The following CPA3 variants were observed in gnomAD, a reference collection of about 807,000 sequenced individuals.
CPA3 encodes the protein mast cell carboxypeptidase A.
Under a neutral mutation model 55.8 loss-of-function variants are expected in CPA3, and 52 were observed. The observed-to-expected ratio is 0.93, with a 90% CI of 0.75 to 1.17. The LOEUF (loss-of-function observed/expected upper bound fraction) is 1.17, where lower values mean the gene tolerates loss of function less well. Among genes scored for constraint, CPA3 ranks in the 50% most tolerant of loss-of-function variants. CPA3 has a pLI of 0.00. For missense variants in CPA3, 547 were observed against 509.1 expected (o/e 1.07, Z -0.72); for synonymous variants, 179 against 171.2 (o/e 1.05, Z -0.36).
chr3:148,881,456 A>G, intron 6 of CPA3, 66 bp from the exon 7 acceptor site: 1 of 941,936 alleles, frequency 1.1e-6, no homozygotes, highest in Non-Finnish European at 1.7e-6. Context: ...TACTATTATA[A>G]CCACAGCTTT....
intron 3 of CPA3, among the ~76,000 whole-genome samples, chr3:148,874,444 G>A (rs115884218): frequency 0.019 from 2,930 of 152,242 alleles, 40 homozygotes; most frequent in Non-Finnish European, 0.03. Flanking sequence ...TGTCTGTAAT[G>A]ACCACCCAAA....
intron 3 of CPA3, among the ~76,000 whole-genome samples, chr3:148,872,859 T>C (rs1360020525): frequency 2.0e-5 from 3 of 152,194 alleles, no homozygotes; most frequent in Non-Finnish European, 4.4e-5. Flanking sequence ...CCAGTCCCAC[T>C]GAAGCCATGC....
At chr3:148,885,000 T>C (rs1714489904) in intron 9 of CPA3, among the ~76,000 whole-genome samples, 1 of 152,216 alleles carries the variant, frequency 6.6e-6, no homozygotes, top group East Asian at 1.9e-4. Context: ...GCAAATATGT[T>C]AGTAACTATA....
chr3:148,867,838 G>A (rs1713946203), intron 2 of CPA3, among the ~76,000 whole-genome samples: 3 of 152,138 alleles, frequency 2.0e-5, no homozygotes, highest in Non-Finnish European at 2.9e-5. Context: ...TCACAATTGA[G>A]TATGATTTTG....
chr3:148,871,233 T>C (rs1714058130), intron 3 of CPA3, among the ~76,000 whole-genome samples: 2 of 152,204 alleles, frequency 1.3e-5, no homozygotes, highest in Non-Finnish European at 2.9e-5. Flanking sequence ...ATTATTACAC[T>C]CTTCACTTTA....
In CPA3 at chr3:148,883,683, G is replaced by A. The variant is rs200538548; in HGVS notation, c.849G>A (p.Thr283=). The A allele has an allele frequency of 1.5e-5, 24 of 1,613,912 alleles. No individual in the cohort carries two copies. The highest frequency in any genetic ancestry group is 1.6e-4 in the Middle Eastern group (1 of 6,084). ...CTGCACCAGAGTCCGAGAAAGAGACGAAAGCTGTCACTAATTTCATTAGAA... is the reference window on the plus strand; with the variant it reads ...CTGCACCAGAGTCCGAGAAAGAGACAAAAGCTGTCACTAATTTCATTAGAA... The part of the protein sequence containing the change: ...RGSAPESEKE[T]KAVTNFIRSH... Residue 283 remains threonine (T), a synonymous_variant, in exon 9 of 11, where the codon ACG becomes ACA. Transcript: ENST00000296046.
In CPA3 at chr3:148,886,563, C is replaced by T. The variant is rs541113867; in HGVS notation, c.1066+386C>T. ...AAAAAAAATTAGCCAGGCATGGTGACCTATGCCTGTAGTCCCAGTTTCTCT... is the reference window on the plus strand; with the variant it reads ...AAAAAAAATTAGCCAGGCATGGTGATCTATGCCTGTAGTCCCAGTTTCTCT... On this transcript the variant is annotated intron_variant, in intron 10 of 10. Coordinates refer to ENST00000296046, the MANE Select transcript of CPA3 (RefSeq NM_001870.4). Among the ~76,000 whole-genome samples, 17 of 152,046 alleles carry T rather than the reference C, an allele frequency of 1.1e-4. No homozygotes were observed. The East Asian group carries it at 3.1e-3, about 28-fold the overall frequency.
At chr3:148,871,404 T>A (rs1408762607) in intron 3 of CPA3, among the ~76,000 whole-genome samples, 1 of 152,224 alleles carries the variant, frequency 6.6e-6, no homozygotes, top group African/African-American at 2.4e-5. Flanking sequence ...AATAGCCCTA[T>A]AACGCAGTTA....
At position 148,881,592 on chromosome 3, in the gene CPA3, C is replaced by G. The variant is rs766142950; in HGVS notation, c.647C>G (p.Pro216Arg). Residue 216 changes from proline (P) to arginine (R), a missense_variant, in exon 7 of 11, where the codon CCT (proline) becomes CGT (arginine). Physicochemically the swap from Pro to Arg is moderately radical, Grantham distance 103. Transcript: ENST00000296046. ...GACCGAATGAATTTTTACATTCTTC[C>G]TGTGTTCAATGTTGATGGATATATT... ...LLDRMNFYIL[P>R]VFNVDGYIWS... 6.2e-7 allele frequency: 1 copy of G among 1,612,820 alleles called. No individual in the cohort carries two copies. Among genetic ancestry groups the G allele is most frequent in the South Asian group, 1.1e-5 (1 of 90,984 alleles).
At chr3:148,875,698 G>A (rs1714182984) in intron 3 of CPA3, among the ~76,000 whole-genome samples, 1 of 152,048 alleles carries the variant, frequency 6.6e-6, no homozygotes, top group African/African-American at 2.4e-5. Flanking sequence ...TCTAAAATAA[G>A]ACAGACAAGA....
In CPA3 at chr3:148,882,489, T is replaced by C. The variant is rs968465448; in HGVS notation, c.688-16T>C. 2.5e-6 allele frequency: 4 copies of C among 1,608,108 alleles called. No individual in the cohort carries two copies. Among genetic ancestry groups the C allele is most frequent in the African/African-American group, 2.7e-5 (2 of 74,784 alleles). On this transcript the variant is annotated splice_polypyrimidine_tract_variant and intron_variant, in intron 7 of 10. Coordinates refer to ENST00000296046, the MANE Select transcript of CPA3 (RefSeq NM_001870.4). ...AACTGATCTTGTGTAAACACTTACG[T>C]CATTCAATCTGGCAGAACCGCATGT... is the stretch of plus-strand genomic sequence containing the variant.
Position 148,882,589 on chromosome 3 carries a change from T to C in CPA3, c.772T>C (p.Trp258Arg), listed in dbSNP as rs150822877. 41 of 1,613,214 alleles carry C rather than the reference T, an allele frequency of 2.5e-5. No homozygotes were observed. In the African/African-American group the frequency reaches 5.2e-4, roughly 20 times the overall value. Residue 258 changes from tryptophan (W) to arginine (R), a missense_variant, in exon 8 of 11, where the codon TGG becomes CGG. Transcript: ENST00000296046. ...TDLNRNFNAS[W>R]NSIPNTNDPC... ...CCTCAACAGGAATTTTAATGCTTCATGGAACTGTGAGTAGCAGACTTGCTA... is the reference window on the plus strand; with the variant it reads ...CCTCAACAGGAATTTTAATGCTTCACGGAACTGTGAGTAGCAGACTTGCTA...
At chr3:148,883,944 C>A in intron 9 of CPA3, 129 bp downstream of exon 9, 4 of 690,168 alleles carry the variant, frequency 5.8e-6, no homozygotes, top group South Asian at 1.9e-5. Flanking sequence ...ATGAAATTTG[C>A]CTTGAAGTTA....
At chr3:148,883,453 A>C (rs929946464) in intron 8 of CPA3, among the ~76,000 whole-genome samples, 160 bp from the exon 9 acceptor site, 4 of 152,236 alleles carry the variant, frequency 2.6e-5, no homozygotes, top group African/African-American at 9.6e-5. Context: ...GTGCAATGTT[A>C]ATCTGTAGTG....
chr3:148,869,716 T>C (rs530955757), intron 3 of CPA3, among the ~76,000 whole-genome samples: 1 of 152,190 alleles, frequency 6.6e-6, no homozygotes, highest in African/African-American at 2.4e-5. Context: ...GCAGCAACCA[T>C]GGGCCATGCC....
At chr3:148,865,666 G>A (rs1001478592) in intron 2 of CPA3, 118 bp downstream of exon 2, 16 of 908,588 alleles carry the variant, frequency 1.8e-5, no homozygotes, top group Non-Finnish European at 2.5e-5. Flanking sequence ...GGGGAAAGCA[G>A]GAGCTATCTG....
chr3:148,884,959 T>C (rs1714488737), intron 9 of CPA3, among the ~76,000 whole-genome samples: 1 of 152,204 alleles, frequency 6.6e-6, no homozygotes. Flanking sequence ...ATATACGTTA[T>C]ATGTATAGTC....
chr3:148,885,042 CAT>C (rs1714490858), intron 9 of CPA3, among the ~76,000 whole-genome samples: 1 of 152,128 alleles, frequency 6.6e-6, no homozygotes, highest in Non-Finnish European at 1.5e-5. Context: ...CAATCACTCT[CAT>C]AGCACAAAAC....
chr3:148,869,031 G>T lies in CPA3; in HGVS notation c.261G>T (p.Met87Ile), dbSNP rs1713988321. Residue 87 changes from methionine (M) to isoleucine (I), a missense_variant, in exon 3 of 11, where the codon ATG becomes ATT. Transcript: ENST00000296046. ...AIQSALDQNK[M>I]HYEILIHDLQ... ...AGTCTGCCTTGGATCAAAATAAAAT[G>T]CACTATGAGTAAGTCCTTGGCAAAT... is the stretch of plus-strand genomic sequence containing the variant. 2 of 1,613,688 alleles carry T rather than the reference G, an allele frequency of 1.2e-6. No individual in the cohort carries two copies. Among genetic ancestry groups the T allele is most frequent in the South Asian group, 1.1e-5 (1 of 90,980 alleles).
Sources: gnomAD v4.1 joint callset for allele counts (sites outside exome capture counted in the v4.1 genomes callset) on GRCh38, gnomAD v4.1.1 for gene constraint, MANE v1.5 for transcripts, NCBI Gene and HGNC (gene_info 2026-07-23, HGNC 2026-07-21) for gene names.